SEM1: variants seen among roughly 807,000 people sequenced by gnomAD.
SEM1 encodes the protein 26S proteasome complex subunit SEM1.
Under a neutral mutation model 12.7 loss-of-function variants are expected in SEM1, and 3 were observed. The ratio of observed to expected loss-of-function variants is 0.24; its 90% CI spans 0.11 to 0.61. SEM1 has a LOEUF of 0.61. Among genes scored for constraint, SEM1 ranks in the 20% least tolerant of loss-of-function variants. The probability of loss-of-function intolerance (pLI) is 0.88; values close to 1 mark genes in which losing one functional copy is unlikely to be tolerated. For missense variants in SEM1, 59 were observed against 81.3 expected (o/e 0.73, Z 1.06); for synonymous variants, 30 against 27.8 (o/e 1.08, Z -0.25).
intron 2 of SEM1, among the ~76,000 whole-genome samples, chr7:96,586,151 TA>T (rs1806627147): frequency 6.6e-6 from 1 of 152,080 alleles, no homozygotes; most frequent in Non-Finnish European, 1.5e-5. Flanking sequence ...TTCTCAATTT[TA>T]AAAAGGAAGA....
At chr7:96,551,046 G>A (rs1247230986) in intron 2 of SEM1, among the ~76,000 whole-genome samples, 1 of 152,130 alleles carries the variant, frequency 6.6e-6, no homozygotes, top group Non-Finnish European at 1.5e-5. Flanking sequence ...ACATGCAAGA[G>A]ATTTATTTGA....
At position 96,483,826 on chromosome 7, in the gene SEM1, G is replaced by T. The variant is rs777038962; in HGVS notation, c.*33C>A. On this transcript the variant is annotated 3_prime_UTR_variant, in exon 4 of 4. Transcript: ENST00000356686. ...ACTTCAATAGATGTGGGCACCATAT[G>T]ACCAGACTTCCATCTCTGCTATTGA... 4.6e-6 allele frequency: 7 copies of T among 1,536,158 alleles called. No homozygotes were observed. The South Asian group carries it at 8.3e-5, about 18-fold the overall frequency.
intron 2 of SEM1, among the ~76,000 whole-genome samples, chr7:96,562,660 C>T (rs1325327084): frequency 6.6e-6 from 1 of 152,044 alleles, no homozygotes; most frequent in Non-Finnish European, 1.5e-5. Flanking sequence ...CAGAAAGAAC[C>T]TTACAAGTGG....
chr7:96,673,974 C>G, intron 2 of SEM1: 1 of 657,924 alleles, frequency 1.5e-6, no homozygotes, highest in Non-Finnish European at 2.8e-6. Flanking sequence ...CCCCTTATGC[C>G]CCAGTCCCAT....
At chr7:96,579,653 T>G (rs1584779639) in intron 2 of SEM1, among the ~76,000 whole-genome samples, 1 of 152,198 alleles carries the variant, frequency 6.6e-6, no homozygotes, top group Non-Finnish European at 1.5e-5. Context: ...CTAATATTCA[T>G]AGTAATGTGA....
chr7:96,509,176 G>C (rs1321445047), intron 2 of SEM1, among the ~76,000 whole-genome samples: 1 of 87,402 alleles, frequency 1.1e-5, no homozygotes, highest in Admixed American at 1.2e-4. Context: ...TTTTTTTTTT[G>C]GTATTTTTCA....
chr7:96,581,326 C>A (rs1359306637), intron 2 of SEM1, among the ~76,000 whole-genome samples: 1 of 152,124 alleles, frequency 6.6e-6, no homozygotes, highest in Admixed American at 6.5e-5. Context: ...TTCCATTGAT[C>A]TTTATCTCTG....
At position 96,640,212 on chromosome 7, in the gene SEM1, T is replaced by C. The variant is rs909078388; in HGVS notation, c.171-17569A>G. Among the ~76,000 whole-genome samples, 2 of 151,952 alleles carry C rather than the reference T, an allele frequency of 1.3e-5. No homozygotes were observed. The highest frequency in any genetic ancestry group is 2.9e-5 in the Non-Finnish European group (2 of 67,902). Reference sequence around the variant, plus strand: ...CTCTTACCATGGGATCCAGAAATTATATGCCTTGGTATTTACTCAAAGGAA... The same window carrying C: ...CTCTTACCATGGGATCCAGAAATTACATGCCTTGGTATTTACTCAAAGGAA... On this transcript the variant is annotated intron_variant, in intron 2 of 2. Transcript: ENST00000417009. The surrounding 1 kb of genome is among the most constrained non-coding windows in gnomAD (Gnocchi z 4.0).
At chr7:96,564,155 GTTAT>G (rs1255527812) in intron 2 of SEM1, among the ~76,000 whole-genome samples, 2 of 151,782 alleles carry the variant, frequency 1.3e-5, no homozygotes, top group African/African-American at 4.8e-5. Flanking sequence ...CTTATTAGAA[GTTAT>G]TTATTATATT....
chr7:96,597,435 T>C (rs539939956), intron 2 of SEM1, among the ~76,000 whole-genome samples: 23 of 152,140 alleles, frequency 1.5e-4, no homozygotes, highest in African/African-American at 5.6e-4. Flanking sequence ...GGTTGTGTTT[T>C]CTGAAGTTTC....
downstream of SEM1, among the ~76,000 whole-genome samples, chr7:96,619,950 G>C (rs73392864): frequency 5.3e-5 from 8 of 152,200 alleles, no homozygotes; most frequent in Admixed American, 3.3e-4. Flanking sequence ...TGAGGGCAGT[G>C]AGGCCCCTCC....
At chr7:96,579,812 T>A (rs1454928653) in intron 2 of SEM1, among the ~76,000 whole-genome samples, 1 of 152,160 alleles carries the variant, frequency 6.6e-6, no homozygotes, top group African/African-American at 2.4e-5. Flanking sequence ...ATTTTGATAT[T>A]GAGCTATAGC....
At chr7:96,553,045 TG>T (rs1475958604) in intron 2 of SEM1, among the ~76,000 whole-genome samples, 1 of 152,074 alleles carries the variant, frequency 6.6e-6, no homozygotes, top group Non-Finnish European at 1.5e-5. Flanking sequence ...TGGGGTTGTT[TG>T]TTTTTTTCTT....
intron 2 of SEM1, among the ~76,000 whole-genome samples, chr7:96,678,223 G>A (rs1349373835): frequency 6.6e-6 from 1 of 152,026 alleles, no homozygotes; most frequent in Non-Finnish European, 1.5e-5. Context: ...TCTTGATTCT[G>A]CCCAATGTGA....
chr7:96,551,183 A>G (rs938131556), intron 2 of SEM1, among the ~76,000 whole-genome samples: 7 of 152,152 alleles, frequency 4.6e-5, no homozygotes, highest in African/African-American at 1.7e-4. Context: ...CTTTGACAAC[A>G]GTACAGTTTT....
chr7:96,626,599 A>T (rs894977390), intron 2 of SEM1, among the ~76,000 whole-genome samples: 1 of 152,074 alleles, frequency 6.6e-6, no homozygotes, highest in African/African-American at 2.4e-5. Flanking sequence ...ATTGGTTTGC[A>T]TATGTTGAAC....
chr7:96,645,861 T>C, intron 2 of SEM1: 1 of 398,488 alleles, frequency 2.5e-6, no homozygotes, highest in South Asian at 1.3e-4. Context: ...AGGCCTGGAC[T>C]CTGGGAATGG....
intron 2 of SEM1, among the ~76,000 whole-genome samples, chr7:96,514,544 A>G (rs1804031453): frequency 6.6e-6 from 1 of 152,076 alleles, no homozygotes. Context: ...AAACCTCCAT[A>G]ATAAGTGATT....
intron 2 of SEM1, among the ~76,000 whole-genome samples, chr7:96,648,271 G>T (rs1282333558): frequency 6.6e-6 from 1 of 152,108 alleles, no homozygotes; most frequent in Non-Finnish European, 1.5e-5. Flanking sequence ...AGAAATTTTG[G>T]ACATCAATGT....
Sources: allele counts gnomAD v4.1 joint callset (sites outside exome capture counted in the v4.1 genomes callset), GRCh38; gene constraint gnomAD v4.1.1; non-coding constraint Gnocchi (gnomAD v3.1); transcripts MANE v1.5; gene names NCBI Gene and HGNC (gene_info 2026-07-23, HGNC 2026-07-21).